CCDC81: variants seen among roughly 807,000 people sequenced by gnomAD.
CCDC81 encodes coiled-coil domain containing 81.
CCDC81 carries 79 observed loss-of-function variants against 83.7 expected under a neutral mutation model. The ratio of observed to expected loss-of-function variants is 0.94; its 90% CI spans 0.79 to 1.14. The LOEUF (loss-of-function observed/expected upper bound fraction) is 1.14. CCDC81 is among the 50% of genes most tolerant of loss of function. CCDC81 has a pLI of 0.00. For synonymous variants in CCDC81, 252 were observed against 278.1 expected (o/e 0.91, Z 0.93); for missense variants, 791 against 778.1 (o/e 1.02, Z -0.20).
intron 7 of CCDC81, among the ~76,000 whole-genome samples, chr11:86,402,851 G>GTTTT (rs1026871803): frequency 6.6e-6 from 1 of 151,486 alleles, no homozygotes; most frequent in African/African-American, 2.4e-5. Context: ...GTTTTGTTTT[G>GTTTT]TTTTTGAGAT....
chr11:86,389,128 A>G (rs1218238203), intron 3 of CCDC81, among the ~76,000 whole-genome samples: 1 of 152,104 alleles, frequency 6.6e-6, no homozygotes, highest in African/African-American at 2.4e-5. Flanking sequence ...TGCCTCTACA[A>G]AAAATTATTT....
At chr11:86,407,761 A>G (rs1948582366) in intron 8 of CCDC81, 60 bp downstream of exon 8, 2 of 1,294,966 alleles carry the variant, frequency 1.5e-6, no homozygotes, top group Non-Finnish European at 1.1e-6. Flanking sequence ...TTGTTTCTCA[A>G]AGAGAGTTCT....
At chr11:86,400,917 C>G in intron 7 of CCDC81, 116 bp downstream of exon 7, 8 of 1,091,796 alleles carry the variant, frequency 7.3e-6, no homozygotes, top group Non-Finnish European at 1.0e-5. Flanking sequence ...TTCTTTAGAG[C>G]TTTCTATATG....
chr11:86,391,314 A>AT (rs777486111), intron 3 of CCDC81, among the ~76,000 whole-genome samples: 4 of 152,230 alleles, frequency 2.6e-5, no homozygotes, highest in Non-Finnish European at 5.9e-5. Context: ...AATTTTCATC[A>AT]TTTAGCAGTG....
intron 6 of CCDC81, among the ~76,000 whole-genome samples, chr11:86,398,034 T>G (rs1422933177): frequency 7.9e-5 from 12 of 152,092 alleles, no homozygotes; most frequent in Middle Eastern, 3.4e-3. Flanking sequence ...ATCTTTTGTA[T>G]AGATGGGCCA....
chr11:86,400,798 A>G lies in CCDC81; in HGVS notation c.878A>G (p.Glu293Gly). 1 of 1,603,806 alleles carries G rather than the reference A, an allele frequency of 6.2e-7. No individual in the cohort carries two copies. The highest frequency in any genetic ancestry group is 8.5e-7 in the Non-Finnish European group (1 of 1,172,694). Reference sequence around the variant, plus strand: ...AGTGGTGGGAAGATTATGACCCCTGAAAGGTAATGCATTGACTTTTTTTTT... The same window carrying G: ...AGTGGTGGGAAGATTATGACCCCTGGAAGGTAATGCATTGACTTTTTTTTT... ...SESGGKIMTP[E>G]SLSYPSCLKH... Residue 293 changes from glutamate (E) to glycine (G), a missense_variant, in exon 7 of 15, where the codon GAA (glutamate) becomes GGA (glycine). Glu to Gly is a moderately conservative substitution (Grantham distance 98). Coordinates refer to ENST00000445632, the MANE Select transcript of CCDC81 (RefSeq NM_001156474.2).
chr11:86,420,560 A>G (rs1948776684), intron 14 of CCDC81, among the ~76,000 whole-genome samples: 1 of 152,104 alleles, frequency 6.6e-6, no homozygotes, highest in African/African-American at 2.4e-5. Context: ...TTACATCTTG[A>G]AAAAAAATTA....
At chr11:86,378,257 C>T (rs1948125752) in intron 1 of CCDC81, among the ~76,000 whole-genome samples, 1 of 152,014 alleles carries the variant, frequency 6.6e-6, no homozygotes, top group Non-Finnish European at 1.5e-5. Flanking sequence ...ATTATTTAGT[C>T]CCCATGTATT....
intron 3 of CCDC81, among the ~76,000 whole-genome samples, chr11:86,389,440 T>C (rs955017332): frequency 6.6e-6 from 1 of 152,124 alleles, no homozygotes; most frequent in Non-Finnish European, 1.5e-5. Flanking sequence ...CTTAATTGAC[T>C]CATAGTTCTG....
chr11:86,375,206 C>G lies in CCDC81; in HGVS notation c.43C>G (p.Gln15Glu), dbSNP rs1180786887. 3 of 1,612,768 alleles carry G rather than the reference C, an allele frequency of 1.9e-6. No individual in the cohort carries two copies. Among genetic ancestry groups the G allele is most frequent in the Non-Finnish European group, 1.7e-6 (2 of 1,179,830 alleles). ...IARALQDLGRQVLPTLPSLSQ... is the reference protein window; with the variant it reads ...IARALQDLGREVLPTLPSLSQ... Reference sequence around the variant, plus strand: ...CCGTGCCCTGCAGGACCTGGGCAGGCAGGTGCTGCCCACTCTGCCCTCGCT... The same window carrying G: ...CCGTGCCCTGCAGGACCTGGGCAGGGAGGTGCTGCCCACTCTGCCCTCGCT... Residue 15 changes from glutamine (Q) to glutamate (E), a missense_variant, in exon 1 of 15, where the codon CAG (glutamine) becomes GAG (glutamate). By Grantham distance (29) the Gln-to-Glu change is conservative. Transcript: ENST00000445632.
At chr11:86,379,004 T>C (rs2138486338) in intron 1 of CCDC81, among the ~76,000 whole-genome samples, 1 of 152,328 alleles carries the variant, frequency 6.6e-6, no homozygotes, top group African/African-American at 2.4e-5. Context: ...ATATTTGTTA[T>C]TGTTTTCTAC....
In CCDC81 at chr11:86,408,281, A is replaced by C; in HGVS notation, c.1113+11A>C. 3.7e-6 allele frequency: 6 copies of C among 1,603,876 alleles called. No individual in the cohort carries two copies. Among genetic ancestry groups the C allele is most frequent in the Non-Finnish European group, 4.3e-6 (5 of 1,176,296 alleles). ...CTCTTCAGACACCAGGTAGTCCAAC[A>C]CCTCGATTAGTCTTTAATATGGGGC... On this transcript the variant is annotated intron_variant, in intron 9 of 14. Transcript: ENST00000445632.
chr11:86,391,500 A>G (rs1253321311), intron 3 of CCDC81, among the ~76,000 whole-genome samples: 1 of 152,138 alleles, frequency 6.6e-6, no homozygotes, highest in Non-Finnish European at 1.5e-5. Context: ...TTGCTCCTAC[A>G]TCTGTTCTAG....
Position 86,375,199 on chromosome 11 carries a change from G to C in CCDC81, c.36G>C (p.Leu12=). 6.2e-7 allele frequency: 1 copy of C among 1,613,068 alleles called. No homozygotes were observed. Among genetic ancestry groups the C allele is most frequent in the Non-Finnish European group, 8.5e-7 (1 of 1,179,914 alleles). The part of the protein sequence containing the change: ...LDTIARALQD[L]GRQVLPTLPS... ...CGATCGCCCGTGCCCTGCAGGACCT[G>C]GGCAGGCAGGTGCTGCCCACTCTGC... The change falls in exon 1 of 15, where the codon CTG becomes CTC. Residue 12 remains leucine (L), a synonymous_variant. Coordinates refer to ENST00000445632, the MANE Select transcript of CCDC81 (RefSeq NM_001156474.2).
At chr11:86,386,898 A>C (rs958951580) in intron 2 of CCDC81, among the ~76,000 whole-genome samples, 4 of 152,208 alleles carry the variant, frequency 2.6e-5, no homozygotes, top group African/African-American at 7.2e-5. Context: ...TGTGCAGTCC[A>C]TAGCCATCAC....
At chr11:86,405,852 T>C (rs935244233) in intron 7 of CCDC81, among the ~76,000 whole-genome samples, 3 of 147,262 alleles carry the variant, frequency 2.0e-5, no homozygotes, top group African/African-American at 7.5e-5. Flanking sequence ...AACCTCCGCC[T>C]CCCACGCTCA....
chr11:86,379,820 T>C (rs1462530559), intron 1 of CCDC81, among the ~76,000 whole-genome samples: 1 of 151,850 alleles, frequency 6.6e-6, no homozygotes, highest in Non-Finnish European at 1.5e-5. Flanking sequence ...GTACAAAAAA[T>C]TAAAACCAAA....
At chr11:86,376,408 A>T (rs1307896005) in intron 1 of CCDC81, among the ~76,000 whole-genome samples, 2 of 152,222 alleles carry the variant, frequency 1.3e-5, no homozygotes, top group Non-Finnish European at 2.9e-5. Context: ...ACAGTTCTTC[A>T]TGGCTGGGGG....
chr11:86,394,112 C>T (rs1436686771), intron 4 of CCDC81, among the ~76,000 whole-genome samples: 1 of 152,160 alleles, frequency 6.6e-6, no homozygotes, highest in African/African-American at 2.4e-5. Flanking sequence ...CTTGCTTTTC[C>T]ATGAAAACAC....
Sources: allele counts gnomAD v4.1 joint callset (sites outside exome capture counted in the v4.1 genomes callset), GRCh38; gene constraint gnomAD v4.1.1; transcripts MANE v1.5; gene names NCBI Gene and HGNC (gene_info 2026-07-23, HGNC 2026-07-21).